CDH13: variants seen among roughly 807,000 people sequenced by gnomAD.
CDH13 encodes the protein cadherin 13.
CDH13 carries 24 observed loss-of-function variants against 63.8 expected under a neutral mutation model. The observed-to-expected ratio is 0.38, with a 90% CI of 0.27 to 0.53. CDH13 has a LOEUF of 0.53. Among genes scored for constraint, CDH13 ranks in the 20% least tolerant of loss-of-function variants. The probability of loss-of-function intolerance (pLI) is 0.85; values close to 1 mark genes in which losing one functional copy is unlikely to be tolerated. For synonymous variants in CDH13, 503 were observed against 355.3 expected (o/e 1.42, Z -4.67); for missense variants, 1,049 against 903.1 (o/e 1.16, Z -2.07).
chr16:83,462,656 T>A (rs1297471892), intron 6 of CDH13, among the ~76,000 whole-genome samples: 1 of 152,186 alleles, frequency 6.6e-6, no homozygotes, highest in Non-Finnish European at 1.5e-5. Context: ...CTCAGGAGGC[T>A]GAGGCAGCAG....
At chr16:83,497,682 A>T (rs573989649) in intron 7 of CDH13, among the ~76,000 whole-genome samples, 11 of 152,296 alleles carry the variant, frequency 7.2e-5, no homozygotes, top group Admixed American at 7.2e-4. Flanking sequence ...ATTAAAAATT[A>T]TAAAAAGCAT....
At chr16:83,058,340 G>T (rs563133479) in intron 3 of CDH13, among the ~76,000 whole-genome samples, 28 of 152,258 alleles carry the variant, frequency 1.8e-4, no homozygotes, top group Middle Eastern at 3.4e-3. Flanking sequence ...GTTCAAGTGG[G>T]GTTTTCTGCG....
chr16:83,686,892 T>C (rs577005800), intron 10 of CDH13, among the ~76,000 whole-genome samples: 1 of 152,272 alleles, frequency 6.6e-6, no homozygotes, highest in Admixed American at 6.5e-5. Context: ...GGTGACTGCA[T>C]GCACACATTT....
At chr16:83,778,672 A>G (rs1438488431) in intron 11 of CDH13, among the ~76,000 whole-genome samples, 1 of 152,198 alleles carries the variant, frequency 6.6e-6, no homozygotes, top group African/African-American at 2.4e-5. Flanking sequence ...AGGTCCAAAG[A>G]TTATATGATG....
At chr16:82,797,032 C>G (rs772463230) in intron 1 of CDH13, among the ~76,000 whole-genome samples, 2 of 152,212 alleles carry the variant, frequency 1.3e-5, no homozygotes, top group Non-Finnish European at 2.9e-5. Flanking sequence ...ACATTGCATA[C>G]GATTCTTCCA....
At chr16:83,509,733 C>G (rs546132057) in intron 7 of CDH13, among the ~76,000 whole-genome samples, 2 of 152,124 alleles carry the variant, frequency 1.3e-5, no homozygotes, top group Non-Finnish European at 2.9e-5. Flanking sequence ...GTAAAAAATA[C>G]TAATAATAAA....
chr16:83,094,964 A>C (rs1009598855), intron 3 of CDH13, among the ~76,000 whole-genome samples: 5 of 152,188 alleles, frequency 3.3e-5, no homozygotes, highest in Admixed American at 1.3e-4. Flanking sequence ...ACCTTGTGTG[A>C]GCTTGAGGTC....
intron 4 of CDH13, among the ~76,000 whole-genome samples, chr16:83,159,810 C>T (rs1342864356): frequency 6.6e-6 from 1 of 152,222 alleles, no homozygotes; most frequent in Non-Finnish European, 1.5e-5. Flanking sequence ...CACGGTGGGT[C>T]ATGTCTGTAA....
At chr16:83,408,885 G>C (rs2092086369) in intron 6 of CDH13, among the ~76,000 whole-genome samples, 1 of 152,190 alleles carries the variant, frequency 6.6e-6, no homozygotes, top group Admixed American at 6.5e-5. Flanking sequence ...AGGAGACAGA[G>C]GGATGCAGAG....
At chr16:83,468,352 A>C (rs1175383579) in intron 6 of CDH13, among the ~76,000 whole-genome samples, 1 of 152,186 alleles carries the variant, frequency 6.6e-6, no homozygotes, top group African/African-American at 2.4e-5. Flanking sequence ...AAGAATGTAG[A>C]TAGCTACCAA....
intron 7 of CDH13, among the ~76,000 whole-genome samples, chr16:83,574,256 G>A (rs571959846): frequency 2.0e-5 from 3 of 152,240 alleles, no homozygotes; most frequent in African/African-American, 7.2e-5. Context: ...CTGATGCATC[G>A]GATGGGAGCA....
At chr16:82,987,034 G>C (rs1409217832) in intron 2 of CDH13, among the ~76,000 whole-genome samples, 1 of 152,186 alleles carries the variant, frequency 6.6e-6, no homozygotes, top group Non-Finnish European at 1.5e-5. Context: ...GGGACAAAAA[G>C]CATTCAGGAA....
intron 7 of CDH13, among the ~76,000 whole-genome samples, chr16:83,566,506 A>C (rs1904281693): frequency 8.2e-6 from 1 of 121,996 alleles, no homozygotes; most frequent in Non-Finnish European, 1.9e-5. Context: ...GCAGAGCCCC[A>C]CCTCCATTCT....
At chr16:82,918,499 A>G (rs1597212110) in intron 2 of CDH13, among the ~76,000 whole-genome samples, 1 of 142,662 alleles carries the variant, frequency 7.0e-6, no homozygotes, top group African/African-American at 2.6e-5. Flanking sequence ...AGGTATGTAC[A>G]CTTTCACTTT....
At chr16:83,714,879 C>T (rs1011021500) in intron 10 of CDH13, among the ~76,000 whole-genome samples, 1 of 152,046 alleles carries the variant, frequency 6.6e-6, no homozygotes, top group Non-Finnish European at 1.5e-5. Flanking sequence ...AACGGTTTTG[C>T]CAACTACCTT....
intron 2 of CDH13, among the ~76,000 whole-genome samples, chr16:83,010,498 C>T (rs950586994): frequency 6.6e-6 from 1 of 152,040 alleles, no homozygotes; most frequent in Non-Finnish European, 1.5e-5. Flanking sequence ...CCTGATTTAT[C>T]TCCTTTTGAG....
At chr16:82,929,935 A>G (rs2042432217) in intron 2 of CDH13, among the ~76,000 whole-genome samples, 2 of 151,942 alleles carry the variant, frequency 1.3e-5, no homozygotes, top group Non-Finnish European at 2.9e-5. Context: ...CAACACTCAG[A>G]GAAACAGAGT....
At chr16:83,594,881 T>G (rs1907111702) in intron 7 of CDH13, among the ~76,000 whole-genome samples, 1 of 152,210 alleles carries the variant, frequency 6.6e-6, no homozygotes, top group Non-Finnish European at 1.5e-5. Context: ...TTTTTCAAGA[T>G]GAGATGTTTG....
intron 6 of CDH13, among the ~76,000 whole-genome samples, chr16:83,401,295 C>T (rs902792113): frequency 3.3e-5 from 5 of 150,928 alleles, no homozygotes; most frequent in Non-Finnish European, 5.9e-5. Flanking sequence ...GCCGAGATCA[C>T]GCCATTGCAC....
Sources: allele counts gnomAD v4.1 joint callset (sites outside exome capture counted in the v4.1 genomes callset), GRCh38; gene constraint gnomAD v4.1.1; transcripts MANE v1.5; gene names NCBI Gene and HGNC (gene_info 2026-07-23, HGNC 2026-07-21).